SETD2: variants seen among roughly 807,000 people sequenced by gnomAD.
SETD2 encodes the protein SET domain containing 2, histone lysine methyltransferase.
In SETD2, 31 loss-of-function variants were observed where a neutral mutation model predicts 242.1. The ratio of observed to expected loss-of-function variants is 0.13; its 90% CI spans 0.10 to 0.17. The LOEUF is 0.17. Ranked by LOEUF, SETD2 falls within the 10% of genes least tolerant of loss-of-function variation. The pLI, the probability that SETD2 is intolerant of heterozygous loss-of-function variation, is 1.00. For missense variants in SETD2, 2,481 were observed against 3,046.3 expected (o/e 0.81, Z 4.37); for synonymous variants, 1,006 against 1,066.5 (o/e 0.94, Z 1.11).
intron 16 of SETD2, among the ~76,000 whole-genome samples, chr3:47,046,233 TGG>T (rs1050315232): frequency 6.7e-6 from 1 of 149,704 alleles, no homozygotes; most frequent in Non-Finnish European, 1.5e-5. Context: ...GCTACTCAGG[TGG>T]CTGAGGCAGG....
intron 1 of SETD2, among the ~76,000 whole-genome samples, chr3:47,149,088 T>C (rs2043925517): frequency 6.6e-6 from 1 of 152,156 alleles, no homozygotes; most frequent in Non-Finnish European, 1.5e-5. Context: ...ATTGAACAAT[T>C]ATAAGTACAT....
chr3:47,164,069 G>GCTCGTCGCTCCCTCC lies in SETD2; in HGVS notation c.-160_-146dup. 8.4e-7 allele frequency: 1 copy of GCTCGTCGCTCCCTCC among 1,194,118 alleles called. No homozygotes were observed. Among genetic ancestry groups the GCTCGTCGCTCCCTCC allele is most frequent in the East Asian group, 3.5e-5 (1 of 28,850 alleles). 74.0% of individuals were successfully genotyped at this position (1,194,118 alleles called of 1,614,324 possible). On this transcript the variant is annotated 5_prime_UTR_variant, in exon 1 of 21. Transcript: ENST00000409792. The surrounding 1 kb of genome is among the most constrained non-coding windows in gnomAD (Gnocchi z 5.4). Reference sequence around the variant, plus strand: ...CAGGGGCGGCCCGCGTCGCTACCTCGCTCGTCGCTCCCTCCCTCCCTCGGA... The same window carrying GCTCGTCGCTCCCTCC: ...CAGGGGCGGCCCGCGTCGCTACCTCGCTCGTCGCTCCCTCCCTCGTCGCTCCCTCCCTCCCTCGGA...
chr3:47,036,810 G>C (rs1052258597), intron 18 of SETD2, among the ~76,000 whole-genome samples: 1 of 150,332 alleles, frequency 6.7e-6, no homozygotes, highest in African/African-American at 2.5e-5. Flanking sequence ...GCTAAGGCAG[G>C]AGAATTGCTT....
chr3:47,151,975 C>T (rs2043996305), intron 1 of SETD2, among the ~76,000 whole-genome samples: 1 of 152,078 alleles, frequency 6.6e-6, no homozygotes, highest in South Asian at 2.1e-4. Flanking sequence ...TCAATCACTA[C>T]GGTTTGAATG....
chr3:47,142,172 C>A (rs1202591149), intron 1 of SETD2, among the ~76,000 whole-genome samples: 5 of 152,108 alleles, frequency 3.3e-5, no homozygotes, highest in Admixed American at 2.0e-4. Flanking sequence ...TGGTAGTATG[C>A]AGCTTCAAAA....
intron 9 of SETD2, among the ~76,000 whole-genome samples, chr3:47,088,877 A>G (rs1215111943): frequency 6.6e-6 from 1 of 152,218 alleles, no homozygotes; most frequent in Non-Finnish European, 1.5e-5. Context: ...CTGGAGATTC[A>G]TAAGAATGTT....
At chr3:47,058,858 G>C (rs376630837) in intron 14 of SETD2, among the ~76,000 whole-genome samples, 1 of 151,310 alleles carries the variant, frequency 6.6e-6, no homozygotes, top group African/African-American at 2.4e-5. Context: ...GCAGTGGCGC[G>C]ATCTCTGTTC....
intron 1 of SETD2, among the ~76,000 whole-genome samples, chr3:47,133,274 G>A (rs561705388): frequency 6.6e-6 from 1 of 152,126 alleles, no homozygotes; most frequent in Non-Finnish European, 1.5e-5. Context: ...GGTTGGTCTC[G>A]AACTCCTGAG....
chr3:47,108,534 C>T (rs1033913676), intron 5 of SETD2, among the ~76,000 whole-genome samples: 8 of 152,180 alleles, frequency 5.3e-5, no homozygotes, highest in Admixed American at 5.2e-4. Flanking sequence ...AAGATGCTTT[C>T]TTGAATTTTA....
chr3:47,070,022 G>A (rs1395523149), intron 12 of SETD2, among the ~76,000 whole-genome samples: 1 of 152,162 alleles, frequency 6.6e-6, no homozygotes. Flanking sequence ...TAGAATTGGT[G>A]TATTGAGGGT....
In SETD2 at chr3:47,017,147, G is replaced by A. The variant is rs2107484811; in HGVS notation, c.7641C>T (p.Tyr2547=). The A allele has an allele frequency of 6.2e-7, 1 of 1,614,128 alleles. No homozygotes were observed. Among genetic ancestry groups the A allele is most frequent in the South Asian group, 1.1e-5 (1 of 91,082 alleles). The change falls in exon 21 of 21, where the codon TAC becomes TAT. Residue 2547 remains tyrosine, a synonymous_variant. Transcript: ENST00000409792. This position sits in a 1 kb window ranked among gnomAD's most constrained non-coding sequence, Gnocchi z 4.8. The part of the protein sequence containing the change: ...KHKTKEYIKK[Y]MQKFGAVYKP... Reference sequence around the variant, plus strand: ...TGTAAACAGCCCCAAACTTCTGCATGTACTTCTTAATGTACTCCTTGGTTT... The same window carrying A: ...TGTAAACAGCCCCAAACTTCTGCATATACTTCTTAATGTACTCCTTGGTTT...
At position 47,035,735 on chromosome 3, in the gene SETD2, G is replaced by A. The variant is rs73831470; in HGVS notation, c.7350+1931C>T. ...AACATGCTTTATAAACTTGGCCCCA[G>A]AACTCAGCTGTATTGCTGCACCAGA... On this transcript the variant is annotated intron_variant, in intron 18 of 20. Transcript: ENST00000409792. 8.3e-4 allele frequency among the ~76,000 whole-genome samples: 126 copies of A among 152,268 alleles called. 1 individual carries two copies. The highest frequency in any genetic ancestry group is 2.9e-3 in the African/African-American group (121 of 41,562).
intron 8 of SETD2, among the ~76,000 whole-genome samples, chr3:47,101,009 CAAAAAA>C (rs1164475680): frequency 8.7e-5 from 2 of 23,096 alleles, no homozygotes; most frequent in East Asian, 1.3e-3. Context: ...GAGTCCATCT[CAAAAAA>C]AAAAAAAAAA....
At chr3:47,054,262 G>C (rs2039965337) in intron 15 of SETD2, among the ~76,000 whole-genome samples, 3 of 152,106 alleles carry the variant, frequency 2.0e-5, no homozygotes, top group Admixed American at 2.0e-4. Flanking sequence ...TGGCTCTTAG[G>C]GCTAATGAAT....
chr3:47,159,974 C>CAA (rs371726989), intron 1 of SETD2, among the ~76,000 whole-genome samples: 5 of 127,172 alleles, frequency 3.9e-5, no homozygotes, highest in Non-Finnish European at 3.4e-5. Flanking sequence ...GACTCCATTC[C>CAA]AAAAAAAAAA....
chr3:47,139,423 A>T (rs1218868199), intron 1 of SETD2, among the ~76,000 whole-genome samples: 2 of 152,188 alleles, frequency 1.3e-5, no homozygotes, highest in Non-Finnish European at 1.5e-5. Flanking sequence ...CTTGACTTGC[A>T]TTTATTGTTC....
intron 6 of SETD2, among the ~76,000 whole-genome samples, chr3:47,105,277 G>A (rs1232224084): frequency 2.0e-5 from 3 of 151,772 alleles, no homozygotes; most frequent in Non-Finnish European, 2.9e-5. Context: ...GGGCATGATG[G>A]TGTGTGCCTG....
intron 18 of SETD2, among the ~76,000 whole-genome samples, chr3:47,028,540 T>TA (rs1397660657): frequency 2.0e-5 from 3 of 152,194 alleles, no homozygotes; most frequent in Admixed American, 6.5e-5. Context: ...GAACAGCCTC[T>TA]AAAAAATCAA....
intron 7 of SETD2, among the ~76,000 whole-genome samples, chr3:47,102,173 G>A (rs907349949): frequency 6.6e-6 from 1 of 152,170 alleles, no homozygotes; most frequent in Non-Finnish European, 1.5e-5. Context: ...AAGGACTGAG[G>A]AGCTCTGATC....
Sources: gnomAD v4.1 joint callset for allele counts (sites outside exome capture counted in the v4.1 genomes callset) on GRCh38, gnomAD v4.1.1 for gene constraint, Gnocchi (gnomAD v3.1) non-coding constraint, MANE v1.5 for transcripts, NCBI Gene and HGNC (gene_info 2026-07-23, HGNC 2026-07-21) for gene names.